Variants in SNTG2 observed in about 807,000 individuals in gnomAD.
SNTG2 encodes gamma-2-syntrophin.
SNTG2 carries 74 observed loss-of-function variants against 70.9 expected under a neutral mutation model. That is an observed-to-expected ratio of 1.04 (90% CI 0.86 to 1.27). The LOEUF is 1.27. Ranked by LOEUF, SNTG2 falls within the 50% of genes most tolerant of loss-of-function variation. SNTG2 has a pLI of 0.00. For missense variants in SNTG2, 717 were observed against 690.7 expected, an observed-to-expected ratio of 1.04 and a Z score of -0.43; for synonymous variants, 278 against 273.8, an observed-to-expected ratio of 1.02 and a Z score of -0.15.
At chr2:1,215,663 T>C (rs542202072) in intron 9 of SNTG2, among the ~76,000 whole-genome samples, 3 of 152,184 alleles carry the variant, frequency 2.0e-5, no homozygotes, top group Admixed American at 6.5e-5. Flanking sequence ...AATTAACTCA[T>C]CATTTACATT....
chr2:1,059,774 T>C (rs1228219656), intron 1 of SNTG2, among the ~76,000 whole-genome samples: 1 of 152,096 alleles, frequency 6.6e-6, no homozygotes, highest in Non-Finnish European at 1.5e-5. Context: ...CTAGAATACA[T>C]TAAAGCTTAA....
At chr2:1,173,071 A>G (rs1671232001) in intron 7 of SNTG2, 21 bp from the exon 8 acceptor site, 5 of 1,609,058 alleles carry the variant, frequency 3.1e-6, no homozygotes, top group South Asian at 1.1e-5. Context: ...ATTGGAAGGG[A>G]CTTCTCTTGT....
chr2:1,226,446 G>A (rs1284582310), intron 9 of SNTG2, among the ~76,000 whole-genome samples: 1 of 152,186 alleles, frequency 6.6e-6, no homozygotes, highest in African/African-American at 2.4e-5. Flanking sequence ...CACCAACTGG[G>A]AATACAGGCG....
At chr2:1,038,115 G>GC (rs1661234853) in intron 1 of SNTG2, among the ~76,000 whole-genome samples, 1 of 152,158 alleles carries the variant, frequency 6.6e-6, no homozygotes, top group African/African-American at 2.4e-5. Context: ...TCAAAACCTG[G>GC]CCCTACTTTT....
chr2:1,338,714 T>A (rs932103497), intron 16 of SNTG2, among the ~76,000 whole-genome samples: 1 of 152,218 alleles, frequency 6.6e-6, no homozygotes, highest in Non-Finnish European at 1.5e-5. Flanking sequence ...ACATTCTTTT[T>A]TAGAGCTGAA....
intron 1 of SNTG2, among the ~76,000 whole-genome samples, chr2:1,005,688 C>G (rs1479956307): frequency 1.3e-5 from 2 of 150,682 alleles, no homozygotes; most frequent in East Asian, 4.0e-4. Context: ...CCTATAGTCC[C>G]AGCTACTCAG....
At chr2:1,303,726 AAAAAG>A (rs1373220567) in intron 14 of SNTG2, among the ~76,000 whole-genome samples, 2 of 152,240 alleles carry the variant, frequency 1.3e-5, no homozygotes, top group African/African-American at 4.8e-5. Flanking sequence ...GACTCACAAA[AAAAAG>A]AGGAGAAAAA....
chr2:1,077,323 T>C (rs1435017452), intron 1 of SNTG2, among the ~76,000 whole-genome samples: 5 of 152,236 alleles, frequency 3.3e-5, no homozygotes, highest in Admixed American at 1.3e-4. Flanking sequence ...CGCACGTCTT[T>C]GCTGGTGTGC....
intron 13 of SNTG2, among the ~76,000 whole-genome samples, chr2:1,264,803 C>T (rs955695477): frequency 6.6e-6 from 1 of 152,204 alleles, no homozygotes; most frequent in Non-Finnish European, 1.5e-5. Flanking sequence ...TCCAGTGATG[C>T]CCCTGCCTCA....
intron 6 of SNTG2, 118 bp from the exon 7 acceptor site, chr2:1,165,430 G>C (rs1386582889): frequency 9.2e-6 from 9 of 973,448 alleles, no homozygotes; most frequent in Non-Finnish European, 1.4e-5. Flanking sequence ...CCGTGTTTCA[G>C]AGGTAACTAT....
chr2:1,224,364 C>G (rs1675615436), intron 9 of SNTG2, among the ~76,000 whole-genome samples: 2 of 152,116 alleles, frequency 1.3e-5, no homozygotes, highest in South Asian at 4.1e-4. Context: ...TTCATTTTTT[C>G]TTCTATCTGT....
At chr2:1,209,710 T>C (rs1178112144) in intron 9 of SNTG2, among the ~76,000 whole-genome samples, 1 of 152,226 alleles carries the variant, frequency 6.6e-6, no homozygotes, top group African/African-American at 2.4e-5. Context: ...ATTTCAAAGA[T>C]GTAACTATAA....
chr2:1,034,653 G>T (rs1367909916), intron 1 of SNTG2, among the ~76,000 whole-genome samples: 1 of 152,094 alleles, frequency 6.6e-6, no homozygotes, highest in Non-Finnish European at 1.5e-5. Context: ...TAGCCATTCT[G>T]ACTGGTGTGA....
rs539116329 is a variant in SNTG2 at position 951,035 on chromosome 2, C to G, written c.39C>G (p.Arg13=). The change falls in exon 1 of 17, where the codon CGC becomes CGG. Residue 13 remains arginine, a synonymous_variant. Coordinates refer to ENST00000308624, the MANE Select transcript of SNTG2 (RefSeq NM_018968.4). The part of the protein sequence containing the change: ...TEGPPPPAAS[R]GRQGCLLVPA... Reference sequence around the variant, plus strand: ...GACCCCCGCCCCCGGCCGCCTCCCGCGGACGCCAGGGCTGCCTGCTGGTAC... The same window carrying G: ...GACCCCCGCCCCCGGCCGCCTCCCGGGGACGCCAGGGCTGCCTGCTGGTAC... 1.5e-5 allele frequency: 19 copies of G among 1,267,306 alleles called. No homozygotes were observed. In the South Asian group the frequency reaches 5.8e-4, roughly 39 times the overall value. The allele number at this position is 1,267,306 out of a possible 1,614,324, so 78.5% of individuals were successfully genotyped here. A position where few individuals can be genotyped will look rare whatever the true frequency, so the allele number is the denominator to read the frequency against.
At chr2:991,687 C>T (rs570973258) in intron 1 of SNTG2, among the ~76,000 whole-genome samples, 89 of 152,236 alleles carry the variant, frequency 5.8e-4, no homozygotes, top group African/African-American at 1.6e-3. Context: ...GCATCTAGGG[C>T]TGATTGCTGG....
At chr2:1,197,515 ATGTGTG>A (rs71299845) in intron 8 of SNTG2, among the ~76,000 whole-genome samples, 39 of 128,368 alleles carry the variant, frequency 3.0e-4, no homozygotes, top group South Asian at 5.5e-4. Context: ...ATGTATATAT[ATGTGTG>A]TGTGTGTGTG....
At chr2:1,355,349 G>A (rs1231303826) in intron 16 of SNTG2, among the ~76,000 whole-genome samples, 1 of 152,090 alleles carries the variant, frequency 6.6e-6, no homozygotes, top group Admixed American at 6.6e-5. Flanking sequence ...GGCAACTCCC[G>A]TGTCCCCAGC....
intron 4 of SNTG2, among the ~76,000 whole-genome samples, chr2:1,137,099 TCAATCTAGCTTTCCTTATGAAGAGGC>T (rs1405188616): frequency 2.0e-5 from 3 of 152,236 alleles, no homozygotes; most frequent in Non-Finnish European, 4.4e-5. Context: ...TGCACGTAAA[TCAATCTAGCTTTCCTTATGAAGAGGC>T]CAATCTAGCT....
chr2:1,146,007 A>G (rs1394998951), intron 6 of SNTG2, among the ~76,000 whole-genome samples: 1 of 152,220 alleles, frequency 6.6e-6, no homozygotes, highest in Admixed American at 6.5e-5. Context: ...ACATCCATTT[A>G]TGATATAAAC....
Sources: gnomAD v4.1 joint callset for allele counts (sites outside exome capture counted in the v4.1 genomes callset) on GRCh38, gnomAD v4.1.1 for gene constraint, MANE v1.5 for transcripts, NCBI Gene and HGNC (gene_info 2026-07-23, HGNC 2026-07-21) for gene names.